Variants in TRPM2 observed in about 807,000 individuals in gnomAD.
TRPM2 encodes the protein estrogen-responsive element-associated gene 1 protein.
A neutral mutation model predicts 174.0 loss-of-function variants in TRPM2; 161 were observed. The ratio of observed to expected loss-of-function variants is 0.93; its 90% CI spans 0.81 to 1.05. The LOEUF is 1.05. TRPM2 is among the 50% of genes least tolerant of loss of function. TRPM2 has a pLI of 0.00. For synonymous variants in TRPM2, 954 were observed against 861.3 expected (o/e 1.11, Z -1.88); for missense variants, 2,057 against 2,038.0 (o/e 1.01, Z -0.18).
intron 8 of TRPM2, among the ~76,000 whole-genome samples, chr21:44,379,933 C>T (rs1437665111): frequency 6.6e-6 from 1 of 152,222 alleles, no homozygotes; most frequent in Non-Finnish European, 1.5e-5. Flanking sequence ...GTCTTTCCTG[C>T]AGACCCGGGA....
chr21:44,420,646 G>C (rs1476938447), intron 22 of TRPM2, among the ~76,000 whole-genome samples: 1 of 152,218 alleles, frequency 6.6e-6, no homozygotes, highest in Non-Finnish European at 1.5e-5. Flanking sequence ...CCTCGTCTGG[G>C]ACTTTGAGCA....
chr21:44,365,785 T>G (rs1009583342), intron 3 of TRPM2, among the ~76,000 whole-genome samples: 8 of 152,182 alleles, frequency 5.3e-5, no homozygotes, highest in African/African-American at 1.9e-4. Context: ...GACCCTGTAC[T>G]GCAGCAGGTC....
chr21:44,435,235 G>A lies in TRPM2; in HGVS notation c.4061+18G>A, dbSNP rs569459957. Reference sequence around the variant, plus strand: ...GTCACGCGGTGAGTTCATGTGTGCCGGGCACCAGCACCTCAGCAAGGCGGT... The same window carrying A: ...GTCACGCGGTGAGTTCATGTGTGCCAGGCACCAGCACCTCAGCAAGGCGGT... On this transcript the variant is annotated intron_variant, in intron 28 of 31. Transcript: ENST00000397928. 3.7e-5 allele frequency: 59 copies of A among 1,609,040 alleles called. No homozygotes were observed. In the South Asian group the frequency reaches 4.4e-4, roughly 12 times the overall value.
chr21:44,418,258 T>A, intron 21 of TRPM2, 150 bp downstream of exon 21: 1 of 1,366,138 alleles, frequency 7.3e-7, no homozygotes, highest in East Asian at 2.4e-5. Context: ...CTTGAGCAAG[T>A]GGTGGGGGCT....
intron 22 of TRPM2, 73 bp downstream of exon 22, chr21:44,418,628 G>A: frequency 4.4e-6 from 7 of 1,576,752 alleles, no homozygotes; most frequent in East Asian, 2.3e-5. Context: ...GGCACCATGA[G>A]TACATGTCCC....
At chr21:44,375,349 G>T (rs188045633) in intron 5 of TRPM2, among the ~76,000 whole-genome samples, 171 of 152,338 alleles carry the variant, frequency 1.1e-3, no homozygotes, top group African/African-American at 4.0e-3. Context: ...TTAGGTGTTT[G>T]TTGCAGCAGC....
chr21:44,418,377 C>T (rs749615782), intron 21 of TRPM2, 46 bp from the exon 22 acceptor site: 1 of 1,603,990 alleles, frequency 6.2e-7, no homozygotes, highest in Admixed American at 1.7e-5. Flanking sequence ...CAGGGCCCAC[C>T]TCCTGAGGAT....
chr21:44,416,208 GA>G (rs1475829523), intron 20 of TRPM2: 1 of 152,252 alleles, frequency 6.6e-6, no homozygotes, highest in Non-Finnish European at 1.5e-5. Flanking sequence ...CCAGGACTCT[GA>G]AAATCCTTGT....
At chr21:44,440,660 A>G in intron 30 of TRPM2, 129 bp from the exon 31 acceptor site, 1 of 787,562 alleles carries the variant, frequency 1.3e-6, no homozygotes, top group Non-Finnish European at 2.2e-6. Context: ...GGCTGGGGAG[A>G]GCTGGGCCGG....
intron 11 of TRPM2, among the ~76,000 whole-genome samples, chr21:44,392,702 T>G (rs2049220678): frequency 6.6e-6 from 1 of 152,098 alleles, no homozygotes; most frequent in Non-Finnish European, 1.5e-5. Flanking sequence ...CTTCAACATA[T>G]GAATTTTAGG....
intron 19 of TRPM2, among the ~76,000 whole-genome samples, chr21:44,407,931 ATT>A (rs549069838): frequency 3.4e-5 from 5 of 148,284 alleles, no homozygotes; most frequent in Non-Finnish European, 7.5e-5. Flanking sequence ...TTAATATTTA[ATT>A]TTTTTTTTCC....
chr21:44,424,785 G>GTA (rs1398828162), intron 23 of TRPM2, 67 bp from the exon 24 acceptor site: 1 of 1,065,262 alleles, frequency 9.4e-7, no homozygotes, highest in African/African-American at 1.6e-5. Context: ...AGTCTCGGTG[G>GTA]GCAGTGGGGT....
rs867819574 is a variant in TRPM2, at chr21:44,438,945, G to C, written c.4168-122G>C. 64 of 700,544 alleles carry C rather than the reference G, an allele frequency of 9.1e-5. No homozygotes were observed. The Admixed American group carries it at 1.2e-3, about 13-fold the overall frequency. The allele number at this position is 700,544 out of a possible 1,614,324, so 43.4% of individuals were successfully genotyped here. ...CTGCAGCCTGAGATGCCGCCTGCCT[G>C]TGGCTCCCAGGGCTGGGCCGCTGCC... On this transcript the variant is annotated intron_variant, in intron 29 of 31. Coordinates refer to ENST00000397928, the MANE Select transcript of TRPM2 (RefSeq NM_003307.4). The surrounding 1 kb of genome is among the most constrained non-coding windows in gnomAD (Gnocchi z 5.9).
upstream of TRPM2, among the ~76,000 whole-genome samples, chr21:44,350,940 C>G (rs2122996443): frequency 1.8e-4 from 27 of 152,274 alleles, no homozygotes; most frequent in African/African-American, 6.3e-4. Context: ...CCTCCGTCCC[C>G]GCACCCGCCT....
chr21:44,382,685 CTG>C, intron 8 of TRPM2, 31 bp from the exon 9 acceptor site: 1 of 1,605,562 alleles, frequency 6.2e-7, no homozygotes, highest in Non-Finnish European at 8.5e-7. Context: ...TCAGGAGTCA[CTG>C]TGTGTCTCAC....
At chr21:44,350,508 G>C (rs1200812022), upstream of TRPM2, among the ~76,000 whole-genome samples, 26 of 144,698 alleles carry the variant, frequency 1.8e-4, no homozygotes, top group African/African-American at 6.6e-4. Context: ...GGTTCGGGGC[G>C]CTGGTGCAGG....
intron 2 of TRPM2, among the ~76,000 whole-genome samples, chr21:44,358,323 T>C (rs150891795): frequency 6.6e-4 from 101 of 152,228 alleles, no homozygotes; most frequent in Non-Finnish European, 1.1e-3. Flanking sequence ...GCGCAGAGAC[T>C]GGAGGGGATG....
chr21:44,440,757 G>C lies in TRPM2; in HGVS notation c.4270-32G>C, dbSNP rs375430815. 3 of 1,596,496 alleles carry C rather than the reference G, an allele frequency of 1.9e-6. No homozygotes were observed. The South Asian group carries it at 3.3e-5, about 18-fold the overall frequency. On this transcript the variant is annotated intron_variant, in intron 30 of 31. Transcript: ENST00000397928. ...CCGGGGCACCGCTCAGGTGTCCCTC[G>C]CTGTCGGGCTTACCCTGCCCTGCCC... is the stretch of plus-strand genomic sequence containing the variant.
intron 19 of TRPM2, among the ~76,000 whole-genome samples, chr21:44,411,938 A>T (rs1296767494): frequency 6.6e-6 from 1 of 152,162 alleles, no homozygotes; most frequent in East Asian, 1.9e-4. Flanking sequence ...TGTTCCTGGG[A>T]CACGTCCCAC....
Sources: gnomAD v4.1 joint callset for allele counts (sites outside exome capture counted in the v4.1 genomes callset) on GRCh38, gnomAD v4.1.1 for gene constraint, Gnocchi (gnomAD v3.1) non-coding constraint, MANE v1.5 for transcripts, NCBI Gene and HGNC (gene_info 2026-07-23, HGNC 2026-07-21) for gene names.